Variants in RNPEPL1 observed in about 807,000 individuals in gnomAD.
RNPEPL1 encodes arginyl aminopeptidase like 1.
In RNPEPL1, 46 loss-of-function variants were observed where a neutral mutation model predicts 69.0. The ratio of observed to expected loss-of-function variants is 0.67; its 90% CI spans 0.53 to 0.85. RNPEPL1 has a LOEUF of 0.85. RNPEPL1 is among the 40% of genes least tolerant of loss of function. The probability of loss-of-function intolerance (pLI) is 0.00; values close to 1 mark genes in which losing one functional copy is unlikely to be tolerated. For synonymous variants in RNPEPL1, 525 were observed against 454.1 expected (o/e 1.16, Z -1.98); for missense variants, 869 against 992.5 (o/e 0.88, Z 1.67).
At chr2:240,577,477 C>T in intron 10 of RNPEPL1, 122 bp from the exon 11 acceptor site, 1 of 1,145,820 alleles carries the variant, frequency 8.7e-7, no homozygotes, top group East Asian at 2.4e-5. Flanking sequence ...GAGTCCAGGC[C>T]ACAGCCCTAA....
In RNPEPL1 at chr2:240,568,921, G is replaced by GGCCCGCGCCGCCGCCCCCGCT; in HGVS notation, c.342_362dup (p.Pro115_Ala121dup). On this transcript the variant is annotated inframe_insertion, in exon 1 of 11. Coordinates refer to ENST00000270357, the MANE Select transcript of RNPEPL1 (RefSeq NM_018226.6). This position sits in a 1 kb window ranked among gnomAD's most constrained non-coding sequence, Gnocchi z 6.2. Reference sequence around the variant, plus strand: ...TTCGCCTTCTCCGCCCCCGGGCCGGGGCCCGCGCCGCCGCCCCCGCTGCCC... The same window carrying GGCCCGCGCCGCCGCCCCCGCT: ...TTCGCCTTCTCCGCCCCCGGGCCGGGGCCCGCGCCGCCGCCCCCGCTGCCCGCGCCGCCGCCCCCGCTGCCC... 2 of 1,307,412 alleles carry GGCCCGCGCCGCCGCCCCCGCT rather than the reference G, an allele frequency of 1.5e-6. No homozygotes were observed. Among genetic ancestry groups the GGCCCGCGCCGCCGCCCCCGCT allele is most frequent in the African/African-American group, 1.6e-5 (1 of 63,386 alleles). 81.0% of individuals were successfully genotyped at this position (1,307,412 alleles called of 1,614,324 possible).
intron 1 of RNPEPL1, among the ~76,000 whole-genome samples, chr2:240,571,464 G>C (rs1308167227): frequency 6.6e-6 from 1 of 152,180 alleles, no homozygotes; most frequent in Admixed American, 6.5e-5. Context: ...GACGTGCAGG[G>C]CTGACTTGGG....
chr2:240,568,929 C>G lies in RNPEPL1; in HGVS notation c.343C>G (p.Pro115Ala). 1.5e-6 allele frequency: 2 copies of G among 1,327,880 alleles called. No individual in the cohort carries two copies. The highest frequency in any genetic ancestry group is 1.9e-6 in the Non-Finnish European group (2 of 1,043,768). The allele number at this position is 1,327,880 out of a possible 1,614,324, so 82.3% of individuals were successfully genotyped here. A position where few individuals can be genotyped will look rare whatever the true frequency, so the allele number is the denominator to read the frequency against. Reference protein sequence around the residue: ...AFSAPGPGPAPPPPLPAFPEA... With the variant: ...AFSAPGPGPAAPPPLPAFPEA... ...CTCCGCCCCCGGGCCGGGGCCCGCG[C>G]CGCCGCCCCCGCTGCCCGCCTTCCC... The change falls in exon 1 of 11, where the codon CCG becomes GCG. Residue 115 changes from proline to alanine, a missense_variant. Physicochemically the swap from Pro to Ala is conservative, Grantham distance 27. Transcript: ENST00000270357. This position sits in a 1 kb window ranked among gnomAD's most constrained non-coding sequence, Gnocchi z 6.2.
At chr2:240,573,050 G>A in intron 2 of RNPEPL1, 60 bp from the exon 3 acceptor site, 2 of 1,495,378 alleles carry the variant, frequency 1.3e-6, no homozygotes, top group Non-Finnish European at 1.8e-6. Flanking sequence ...AGGCTCCCCG[G>A]CCGGGGCTAT....
At position 240,574,566 on chromosome 2, in the gene RNPEPL1, G is replaced by A. The variant is rs768452852; in HGVS notation, c.1226G>A (p.Arg409Gln). Residue 409 changes from arginine to glutamine, a missense_variant, in exon 6 of 11, where the codon CGG becomes CAG. By Grantham distance (43) the Arg-to-Gln change is conservative (BLOSUM62 1). Coordinates refer to ENST00000270357, the MANE Select transcript of RNPEPL1 (RefSeq NM_018226.6). The part of the protein sequence containing the change: ...ETAFRLDALH[R>Q]QMKLLGEDSP... ...GCCTTCCGCCTGGACGCCCTGCACCGGCAGATGAAGCTTCTGGGAGAGGAC... is the reference window on the plus strand; with the variant it reads ...GCCTTCCGCCTGGACGCCCTGCACCAGCAGATGAAGCTTCTGGGAGAGGAC... 5.6e-6 allele frequency: 9 copies of A among 1,612,912 alleles called. No individual in the cohort carries two copies. The highest frequency in any genetic ancestry group is 6.8e-6 in the Non-Finnish European group (8 of 1,179,946).
intron 1 of RNPEPL1, among the ~76,000 whole-genome samples, chr2:240,570,546 A>C (rs551911297): frequency 7.2e-5 from 11 of 152,212 alleles, no homozygotes; most frequent in Admixed American, 3.3e-4. Context: ...CCAGGGACTC[A>C]GGCCCAAATC....
At chr2:240,572,353 T>C in intron 1 of RNPEPL1, 70 bp from the exon 2 acceptor site, 1 of 1,503,912 alleles carries the variant, frequency 6.6e-7, no homozygotes, top group Non-Finnish European at 8.9e-7. Context: ...TCTCTCAGGC[T>C]GCTGCCCAGT....
At chr2:240,574,370 G>A in intron 5 of RNPEPL1, 22 bp downstream of exon 5, 1 of 1,585,842 alleles carries the variant, frequency 6.3e-7, no homozygotes. Flanking sequence ...GCCGGGGAGG[G>A]CAGCCACGGG....
rs557921282 is a variant in RNPEPL1, at chr2:240,570,137, G to A, written c.528+1023G>A. 1.4e-4 allele frequency among the ~76,000 whole-genome samples: 21 copies of A among 152,364 alleles called. No homozygotes were observed. The South Asian group carries it at 2.7e-3, about 20-fold the overall frequency. On this transcript the variant is annotated intron_variant, in intron 1 of 10. Coordinates refer to ENST00000270357, the MANE Select transcript of RNPEPL1 (RefSeq NM_018226.6). ...GCAAGTATGCCTCCCAGTATGACAG[G>A]TGAGAACTGAGGGATGGGCTTCTCC... is the stretch of plus-strand genomic sequence containing the variant.
At chr2:240,570,077 G>A (rs528203920) in intron 1 of RNPEPL1, among the ~76,000 whole-genome samples, 3 of 152,328 alleles carry the variant, frequency 2.0e-5, no homozygotes, top group Admixed American at 6.5e-5. Flanking sequence ...AGCCGGCCCC[G>A]CCCCTGCTGT....
chr2:240,573,413 C>CGCCAGGGCCCTGCAT (rs1553610592), intron 3 of RNPEPL1, 152 bp downstream of exon 3: 2 of 750,126 alleles, frequency 2.7e-6, no homozygotes, highest in African/African-American at 3.7e-5. Context: ...TTGGTGCCAC[C>CGCCAGGGCCCTGCAT]GCCAGGGCCC....
At chr2:240,577,120 T>A in intron 10 of RNPEPL1, 130 bp downstream of exon 10, 1 of 1,202,284 alleles carries the variant, frequency 8.3e-7, no homozygotes, top group Non-Finnish European at 1.2e-6. Context: ...GGGGAAGACG[T>A]AGGGGTCTGT....
Position 240,578,092 on chromosome 2 carries a change from C to G in RNPEPL1, c.*200C>G. On this transcript the variant is annotated 3_prime_UTR_variant, in exon 11 of 11. Coordinates refer to ENST00000270357, the MANE Select transcript of RNPEPL1 (RefSeq NM_018226.6). The stretch of plus-strand genomic sequence containing the variant: ...CAGAGACCTGTGGACCTGGCCTCCC[C>G]ACTCCCAGCTCTCTTGCACTGCAGG... 2 of 485,216 alleles carry G rather than the reference C, an allele frequency of 4.1e-6. No homozygotes were observed. Among genetic ancestry groups the G allele is most frequent in the South Asian group, 5.2e-5 (1 of 19,216 alleles). The allele number at this position is 485,216 out of a possible 1,614,324, so 30.1% of individuals were successfully genotyped here.
In RNPEPL1 at chr2:240,568,837, G is replaced by T; in HGVS notation, c.251G>T (p.Arg84Leu). Reference sequence around the variant, plus strand: ...GTGCTCGACGCGCACCCGGCTCTGCGCCTGCACTCAGCCGCCTTCCGTCGC... The same window carrying T: ...GTGCTCGACGCGCACCCGGCTCTGCTCCTGCACTCAGCCGCCTTCCGTCGC... Reference protein sequence around the residue: ...ALVLDAHPALRLHSAAFRRAP... With the variant: ...ALVLDAHPALLLHSAAFRRAP... The change falls in exon 1 of 11, where the codon CGC becomes CTC. Residue 84 changes from arginine to leucine, a missense_variant. By Grantham distance (102) the Arg-to-Leu change is moderately radical. Coordinates refer to ENST00000270357, the MANE Select transcript of RNPEPL1 (RefSeq NM_018226.6). The surrounding 1 kb of genome is among the most constrained non-coding windows in gnomAD (Gnocchi z 6.2). 1 of 1,173,696 alleles carries T rather than the reference G, an allele frequency of 8.5e-7. No individual in the cohort carries two copies. The highest frequency in any genetic ancestry group is 1.1e-6 in the Non-Finnish European group (1 of 946,132). 72.7% of individuals were successfully genotyped at this position (1,173,696 alleles called of 1,614,324 possible).
At chr2:240,576,391 G>C (rs2093037731) in intron 8 of RNPEPL1, 144 bp from the exon 9 acceptor site, 2 of 697,892 alleles carry the variant, frequency 2.9e-6, no homozygotes. Flanking sequence ...GGCTGGAGCT[G>C]ACTCCGCCTT....
At chr2:240,572,243 C>T (rs561671317) in intron 1 of RNPEPL1, among the ~76,000 whole-genome samples, 180 bp from the exon 2 acceptor site, 9 of 152,326 alleles carry the variant, frequency 5.9e-5, no homozygotes, top group African/African-American at 2.2e-4. Context: ...CCCTGGATGT[C>T]TCCCTGCCCA....
chr2:240,576,989 A>G lies in RNPEPL1; in HGVS notation c.1883A>G (p.Gln628Arg). The change falls in exon 10 of 11, where the codon CAG becomes CGG. Residue 628 changes from glutamine to arginine, a missense_variant and splice_region_variant. Coordinates refer to ENST00000270357, the MANE Select transcript of RNPEPL1 (RefSeq NM_018226.6). ...AGGGTGCGGCGCTTCCTGGAGAGCC[A>G]GGTGCGGTCACCTGCCCAGGGGGCC... is the stretch of plus-strand genomic sequence containing the variant. ...LHRVRRFLES[Q>R]MSRMYTIPLY... 1 of 1,612,888 alleles carries G rather than the reference A, an allele frequency of 6.2e-7. No individual in the cohort carries two copies. The highest frequency in any genetic ancestry group is 8.5e-7 in the Non-Finnish European group (1 of 1,179,898).
Position 240,581,068 on chromosome 2 carries a change from A to G in RNPEPL1, c.*3176A>G, listed in dbSNP as rs1014270285. The G allele has an allele frequency of 6.6e-6, 1 of 152,062 alleles. No individual in the cohort carries two copies. Among genetic ancestry groups the G allele is most frequent in the Non-Finnish European group, 1.5e-5 (1 of 68,002 alleles). 9.4% of individuals were successfully genotyped at this position (152,062 alleles called of 1,614,324 possible). A position where few individuals can be genotyped will look rare whatever the true frequency, so the allele number is the denominator to read the frequency against. On this transcript the variant is annotated 3_prime_UTR_variant, in exon 11 of 11. Transcript: ENST00000270357. ...GGCCAGATGCTTTGCACAGAACATT[A>G]GGAAACTCCAGATGTAAAGGTAAGG... is the stretch of plus-strand genomic sequence containing the variant.
Position 240,572,553 on chromosome 2 carries a change from C to T in RNPEPL1, c.659C>T (p.Ala220Val), listed in dbSNP as rs1357599976. Reference protein sequence around the residue: ...DTPAVKCTYSAVVKAPSGVQV... With the variant: ...DTPAVKCTYSVVVKAPSGVQV... ...CCTGCCGTGAAGTGCACCTACTCTG[C>T]CGTCGTCAAGGTCAGGGGCCGCCAG... is the stretch of plus-strand genomic sequence containing the variant. The change falls in exon 2 of 11, where the codon GCC (alanine) becomes GTC (valine). Residue 220 changes from alanine to valine, a missense_variant. This residue lies in a region of RNPEPL1 where 610 missense variants were observed against 790.9 expected (regional missense o/e 0.77). Coordinates refer to ENST00000270357, the MANE Select transcript of RNPEPL1 (RefSeq NM_018226.6). 6.5e-7 allele frequency: 1 copy of T among 1,536,126 alleles called. No individual in the cohort carries two copies. Among genetic ancestry groups the T allele is most frequent in the Admixed American group, 2.0e-5 (1 of 51,004 alleles).
Sources: gnomAD v4.1 joint callset for allele counts (sites outside exome capture counted in the v4.1 genomes callset) on GRCh38, gnomAD v4.1.1 for gene constraint, gnomAD v4.1.1 regional missense constraint, Gnocchi (gnomAD v3.1) non-coding constraint, MANE v1.5 for transcripts, NCBI Gene and HGNC (gene_info 2026-07-23, HGNC 2026-07-21) for gene names.